TEAD1: variants seen among roughly 807,000 people sequenced by gnomAD.
The protein encoded by TEAD1 is transcriptional enhancer factor TEF-1.
TEAD1 carries 9 observed loss-of-function variants against 54.9 expected under a neutral mutation model. That is an observed-to-expected ratio of 0.16 (90% CI 0.10 to 0.29). The LOEUF is 0.29. Ranked by LOEUF, TEAD1 falls within the 10% of genes least tolerant of loss-of-function variation. The pLI is 1.00. For synonymous variants in TEAD1, 200 were observed against 187.8 expected (o/e 1.07, Z -0.53); for missense variants, 387 against 535.9 (o/e 0.72, Z 2.74).
chr11:12,710,290 C>T (rs1005949060), intron 2 of TEAD1, among the ~76,000 whole-genome samples: 7 of 152,086 alleles, frequency 4.6e-5, no homozygotes, highest in Non-Finnish European at 7.4e-5. Context: ...CACCACTGCA[C>T]TAAAGCCTGG....
intron 3 of TEAD1, among the ~76,000 whole-genome samples, chr11:12,768,083 T>G (rs542275183): frequency 3.9e-5 from 6 of 152,306 alleles, no homozygotes; most frequent in African/African-American, 1.4e-4. Context: ...ATAGACCCCA[T>G]AATCAAATAG....
At chr11:12,881,116 C>T in intron 7 of TEAD1, 65 bp downstream of exon 7, 2 of 1,557,860 alleles carry the variant, frequency 1.3e-6, no homozygotes, top group Non-Finnish European at 1.8e-6. Context: ...GGGGAGAGCT[C>T]TTCCTGGACC....
rs756312388 is a variant in TEAD1, at chr11:12,881,013, G to A, written c.474G>A (p.Pro158=). The stretch of plus-strand genomic sequence containing the variant: ...TGCATTTTGCCTTCCAGTTCTGGCC[G>A]GGAATGATTCAAACAGGGCAGCCAG... Residue 158 remains proline (P), a synonymous_variant, in exon 7 of 13, where the codon CCG becomes CCA. Coordinates refer to ENST00000527636, the MANE Select transcript of TEAD1 (RefSeq NM_021961.6). 2.2e-5 allele frequency: 36 copies of A among 1,614,164 alleles called. No homozygotes were observed. The highest frequency in any genetic ancestry group is 4.5e-5 in the East Asian group (2 of 44,872).
intron 5 of TEAD1, 67 bp downstream of exon 5, chr11:12,864,967 TG>T: frequency 6.5e-7 from 1 of 1,543,276 alleles, no homozygotes; most frequent in Non-Finnish European, 9.0e-7. Flanking sequence ...CCATGGTGAC[TG>T]GTGAATGCCT....
chr11:12,764,464 A>ACTACAAC (rs771177628), intron 3 of TEAD1, 30 bp downstream of exon 3: 1 of 1,611,444 alleles, frequency 6.2e-7, no homozygotes, highest in East Asian at 2.2e-5. Context: ...CCTTTGAAAT[A>ACTACAAC]CTACAACCTG....
chr11:12,774,538 A>G lies in TEAD1; in HGVS notation c.202+10104A>G, dbSNP rs1261502558. Among the ~76,000 whole-genome samples, 3 of 152,130 alleles carry G rather than the reference A, an allele frequency of 2.0e-5. 1 individual carries two copies. Among genetic ancestry groups the G allele is most frequent in the Admixed American group, 1.3e-4 (2 of 15,268 alleles). On this transcript the variant is annotated intron_variant, in intron 3 of 12. Coordinates refer to ENST00000527636, the MANE Select transcript of TEAD1 (RefSeq NM_021961.6). ...GTCAGAAGAAAATGCCAACATTTCT[A>G]CCTTCCTCTTCCCAAATTCTTCAGT...
chr11:12,920,423 G>A (rs1948783623), intron 10 of TEAD1, among the ~76,000 whole-genome samples: 4 of 152,102 alleles, frequency 2.6e-5, no homozygotes, highest in Admixed American at 1.3e-4. Context: ...CTCTCCCAGT[G>A]ACCCACCTGC....
At chr11:12,728,639 C>T (rs1477255451) in intron 2 of TEAD1, among the ~76,000 whole-genome samples, 6 of 152,088 alleles carry the variant, frequency 3.9e-5, no homozygotes, top group Admixed American at 6.5e-5. Flanking sequence ...TAAGCTGCCT[C>T]CAGTGTGTTT....
At chr11:12,868,255 T>C (rs1278466366) in intron 5 of TEAD1, among the ~76,000 whole-genome samples, 1 of 152,198 alleles carries the variant, frequency 6.6e-6, no homozygotes, top group African/African-American at 2.4e-5. Context: ...GAATTGAAGC[T>C]TACTCCCTCA....
At chr11:12,911,772 G>A (rs1187497705) in intron 10 of TEAD1, among the ~76,000 whole-genome samples, 1 of 150,588 alleles carries the variant, frequency 6.6e-6, no homozygotes, top group East Asian at 2.0e-4. Context: ...GCCCATTTTG[G>A]TTTGTTTTCG....
intron 12 of TEAD1, among the ~76,000 whole-genome samples, chr11:12,931,683 T>G (rs1949012962): frequency 6.6e-6 from 1 of 152,242 alleles, no homozygotes; most frequent in African/African-American, 2.4e-5. Context: ...ATGGGCAATT[T>G]CAAGCTACCG....
chr11:12,691,963 C>T (rs1943466832), intron 2 of TEAD1, among the ~76,000 whole-genome samples: 1 of 152,108 alleles, frequency 6.6e-6, no homozygotes, highest in South Asian at 2.1e-4. Context: ...GAATTTATCA[C>T]TAGTCTATTA....
intron 3 of TEAD1, among the ~76,000 whole-genome samples, chr11:12,798,309 C>T (rs1048018435): frequency 6.6e-6 from 1 of 152,194 alleles, no homozygotes; most frequent in Admixed American, 6.5e-5. Flanking sequence ...CCTTATTTCT[C>T]TCTCTTTCCT....
At chr11:12,713,983 A>T (rs1029973101) in intron 2 of TEAD1, among the ~76,000 whole-genome samples, 4 of 152,202 alleles carry the variant, frequency 2.6e-5, no homozygotes, top group African/African-American at 9.7e-5. Flanking sequence ...CCTAACTTGC[A>T]CATTCCTAGA....
At chr11:12,800,038 A>G (rs943344617) in intron 3 of TEAD1, among the ~76,000 whole-genome samples, 2 of 152,238 alleles carry the variant, frequency 1.3e-5, no homozygotes, top group Non-Finnish European at 1.5e-5. Flanking sequence ...GAATAAGTGC[A>G]TAATGGTAAT....
In TEAD1 at chr11:12,879,854, G is replaced by A; in HGVS notation, c.465+12G>A. 6.2e-7 allele frequency: 1 copy of A among 1,612,776 alleles called. No individual in the cohort carries two copies. The highest frequency in any genetic ancestry group is 8.5e-7 in the Non-Finnish European group (1 of 1,180,028). On this transcript the variant is annotated intron_variant, in intron 6 of 12. Coordinates refer to ENST00000527636, the MANE Select transcript of TEAD1 (RefSeq NM_021961.6). ...CAGGGGCGCCGGGGGTAAGTCATGA[G>A]CTCAGTCCAGTAATGACAGCTGCTG...
At chr11:12,713,127 C>T (rs1393049256) in intron 2 of TEAD1, among the ~76,000 whole-genome samples, 1 of 152,130 alleles carries the variant, frequency 6.6e-6, no homozygotes, top group Non-Finnish European at 1.5e-5. Flanking sequence ...TCAAGTGATC[C>T]TCCAACCTCA....
chr11:12,809,916 C>T (rs370536115), intron 3 of TEAD1, among the ~76,000 whole-genome samples: 1 of 150,780 alleles, frequency 6.6e-6, no homozygotes, highest in Non-Finnish European at 1.5e-5. Flanking sequence ...CTGGACCAGC[C>T]GATGGGGAGT....
chr11:12,798,957 C>T (rs1345715223), intron 3 of TEAD1, among the ~76,000 whole-genome samples: 1 of 152,110 alleles, frequency 6.6e-6, no homozygotes, highest in African/African-American at 2.4e-5. Flanking sequence ...ACAACAAAAC[C>T]CCCCCCAGGC....
Sources: gnomAD v4.1 joint callset for allele counts (sites outside exome capture counted in the v4.1 genomes callset) on GRCh38, gnomAD v4.1.1 for gene constraint, MANE v1.5 for transcripts, NCBI Gene and HGNC (gene_info 2026-07-23, HGNC 2026-07-21) for gene names.